TENM4: variants seen among roughly 807,000 people sequenced by gnomAD.
TENM4 encodes the protein teneurin-4.
A neutral mutation model predicts 243.3 loss-of-function variants in TENM4; 82 were observed. The observed-to-expected ratio is 0.34, with a 90% CI of 0.28 to 0.40. TENM4 has a LOEUF of 0.40. Among genes scored for constraint, TENM4 ranks in the 10% least tolerant of loss-of-function variants. TENM4 has a pLI of 1.00. For synonymous variants in TENM4, 1,412 were observed against 1,456.3 expected, an observed-to-expected ratio of 0.97 and a Z score of 0.69; for missense variants, 3,138 against 3,673.3, an observed-to-expected ratio of 0.85 and a Z score of 3.77.
chr11:78,741,638 A>G (rs1363843355), intron 19 of TENM4, among the ~76,000 whole-genome samples: 1 of 152,220 alleles, frequency 6.6e-6, no homozygotes, highest in Non-Finnish European at 1.5e-5. Flanking sequence ...GTGTTTAACA[A>G]CCAGCTTGCA....
At chr11:78,948,517 C>T (rs1857050459) in intron 6 of TENM4, among the ~76,000 whole-genome samples, 2 of 152,038 alleles carry the variant, frequency 1.3e-5, no homozygotes, top group Admixed American at 1.3e-4. Flanking sequence ...GGACTACAGG[C>T]ACCCGCCACC....
At chr11:78,841,231 A>G (rs1191322360) in intron 12 of TENM4, among the ~76,000 whole-genome samples, 1 of 152,172 alleles carries the variant, frequency 6.6e-6, no homozygotes, top group Non-Finnish European at 1.5e-5. Context: ...TTCTTGCCCA[A>G]AGTCCCACTG....
chr11:79,206,651 G>A (rs546821611), intron 3 of TENM4, among the ~76,000 whole-genome samples: 2 of 152,298 alleles, frequency 1.3e-5, no homozygotes, highest in East Asian at 3.9e-4. Context: ...TAAGTCTCAT[G>A]AGATCTGATG....
chr11:78,792,565 T>C (rs753801409), intron 15 of TENM4, among the ~76,000 whole-genome samples: 42 of 152,084 alleles, frequency 2.8e-4, no homozygotes, highest in Non-Finnish European at 4.7e-4. Flanking sequence ...TGCACTGTCC[T>C]CTCTCTAGAT....
Position 79,440,879 on chromosome 11 carries a change from GTGTT to G in TENM4, c.-695_-692del, listed in dbSNP as rs933246542. On this transcript the variant is annotated 5_prime_UTR_variant, in exon 1 of 34. Coordinates refer to ENST00000278550, the MANE Select transcript of TENM4 (RefSeq NM_001098816.3). The surrounding 1 kb of genome is among the most constrained non-coding windows in gnomAD (Gnocchi z 4.7). ...TGTGTGAGTGTGTGTGTGTGTGTGT[GTGTT>G]TAATAGCTTCCCTTCTCTTCTTCCC... 1 of 153,018 alleles carries G rather than the reference GTGTT, an allele frequency of 6.5e-6. No individual in the cohort carries two copies. The highest frequency in any genetic ancestry group is 1.4e-5 in the Non-Finnish European group (1 of 69,034). 9.5% of individuals were successfully genotyped at this position (153,018 alleles called of 1,614,324 possible).
chr11:78,780,852 G>A (rs995818952), intron 16 of TENM4, among the ~76,000 whole-genome samples: 3 of 152,182 alleles, frequency 2.0e-5, no homozygotes, highest in African/African-American at 4.8e-5. Flanking sequence ...AATGATGGAG[G>A]CAGGCTCAGG....
At chr11:79,138,927 C>T (rs551503627) in intron 4 of TENM4, among the ~76,000 whole-genome samples, 59 of 50,046 alleles carry the variant, frequency 1.2e-3, no homozygotes, top group African/African-American at 7.2e-3. Flanking sequence ...ATTACATTTC[C>T]ATAAATATAT....
At chr11:79,056,023 C>T (rs1441508074) in intron 6 of TENM4, among the ~76,000 whole-genome samples, 2 of 152,140 alleles carry the variant, frequency 1.3e-5, no homozygotes, top group African/African-American at 4.8e-5. Flanking sequence ...AGCTCCTTTC[C>T]CAATGTTGGT....
At chr11:79,248,697 G>A (rs1336436924) in intron 2 of TENM4, among the ~76,000 whole-genome samples, 1 of 152,206 alleles carries the variant, frequency 6.6e-6, no homozygotes, top group Non-Finnish European at 1.5e-5. Context: ...TTTGAGTTAT[G>A]AAGTGCACTT....
intron 1 of TENM4, among the ~76,000 whole-genome samples, chr11:79,311,037 C>T (rs1286129722): frequency 1.3e-5 from 2 of 152,142 alleles, no homozygotes; most frequent in Non-Finnish European, 2.9e-5. Flanking sequence ...TAATTCATTC[C>T]TTCATCAGCC....
At chr11:78,881,728 G>A (rs1400105787) in intron 9 of TENM4, among the ~76,000 whole-genome samples, 1 of 152,168 alleles carries the variant, frequency 6.6e-6, no homozygotes, top group Non-Finnish European at 1.5e-5. Context: ...CTTCTATCAT[G>A]GGGAGGCTCT....
intron 1 of TENM4, among the ~76,000 whole-genome samples, chr11:79,400,980 C>A (rs2135555862): frequency 6.6e-6 from 1 of 152,290 alleles, no homozygotes; most frequent in Middle Eastern, 3.4e-3. Context: ...CCAGACTTGG[C>A]CCTGAGAAGC....
intron 4 of TENM4, among the ~76,000 whole-genome samples, chr11:79,125,191 C>T (rs567680776): frequency 5.3e-5 from 8 of 152,100 alleles, no homozygotes; most frequent in East Asian, 3.9e-4. Context: ...ATTCATTGCT[C>T]GTGAGAAGCA....
At chr11:79,158,886 C>A (rs1176562644) in intron 3 of TENM4, among the ~76,000 whole-genome samples, 1 of 152,160 alleles carries the variant, frequency 6.6e-6, no homozygotes, top group Non-Finnish European at 1.5e-5. Flanking sequence ...GAGAAGTACT[C>A]CTCCTCAGAC....
chr11:79,130,638 A>G (rs1243531584), intron 4 of TENM4, among the ~76,000 whole-genome samples: 2 of 152,160 alleles, frequency 1.3e-5, no homozygotes, highest in African/African-American at 2.4e-5. Context: ...CCTGGCTAAC[A>G]TGGTGAAACA....
At chr11:78,792,345 A>G (rs1307262736) in intron 15 of TENM4, among the ~76,000 whole-genome samples, 1 of 152,218 alleles carries the variant, frequency 6.6e-6, no homozygotes, top group African/African-American at 2.4e-5. Flanking sequence ...CCTAGGTAGA[A>G]GCCATTTGTA....
intron 3 of TENM4, among the ~76,000 whole-genome samples, chr11:79,178,116 G>T (rs921516788): frequency 1.2e-4 from 19 of 152,136 alleles, no homozygotes; most frequent in Non-Finnish European, 1.8e-4. Context: ...CTGCTGATGG[G>T]TTGGATGTGG....
chr11:78,722,562 C>G, intron 24 of TENM4, 106 bp downstream of exon 24: 1 of 1,454,024 alleles, frequency 6.9e-7, no homozygotes, highest in South Asian at 1.3e-5. Flanking sequence ...ACGGGCAAGG[C>G]TCTGTCCTAT....
chr11:79,164,947 C>CTATATA (rs59917804), intron 3 of TENM4, among the ~76,000 whole-genome samples: 63 of 138,638 alleles, frequency 4.5e-4, no homozygotes, highest in Middle Eastern at 7.4e-3. Flanking sequence ...TGGACTAATA[C>CTATATA]TATATATATA....
Sources: allele counts gnomAD v4.1 joint callset (sites outside exome capture counted in the v4.1 genomes callset), GRCh38; gene constraint gnomAD v4.1.1; non-coding constraint Gnocchi (gnomAD v3.1); transcripts MANE v1.5; gene names NCBI Gene and HGNC (gene_info 2026-07-23, HGNC 2026-07-21).